The following VANGL1 variants were observed in gnomAD, a reference collection of about 807,000 sequenced individuals.
VANGL1 encodes vang-like protein 1.
A neutral mutation model predicts 48.4 loss-of-function variants in VANGL1; 18 were observed. The ratio of observed to expected loss-of-function variants is 0.37; its 90% CI spans 0.26 to 0.55. The LOEUF (loss-of-function observed/expected upper bound fraction) is 0.55. Among genes scored for constraint, VANGL1 ranks in the 20% least tolerant of loss-of-function variants. The probability of loss-of-function intolerance (pLI) is 0.81; values close to 1 mark genes in which losing one functional copy is unlikely to be tolerated. For missense variants in VANGL1, 667 were observed against 675.8 expected, an observed-to-expected ratio of 0.99 and a Z score of 0.14; for synonymous variants, 257 against 261.8, an observed-to-expected ratio of 0.98 and a Z score of 0.18.
intron 2 of VANGL1, among the ~76,000 whole-genome samples, chr1:115,651,818 G>GC (rs1652157842): frequency 6.6e-6 from 1 of 151,520 alleles, no homozygotes; most frequent in Non-Finnish European, 1.5e-5. Flanking sequence ...ATGCAGTGGT[G>GC]CCATCTCGGC....
intron 4 of VANGL1, among the ~76,000 whole-genome samples, chr1:115,676,414 G>A (rs114352214): frequency 0.011 from 1,685 of 152,318 alleles, 26 homozygotes; most frequent in African/African-American, 0.038. Flanking sequence ...TACCCTCATG[G>A]TGGGCCTCTG....
At chr1:115,686,764 A>AATAG in intron 7 of VANGL1, among the ~76,000 whole-genome samples, 1 of 152,026 alleles carries the variant, frequency 6.6e-6, no homozygotes, top group Non-Finnish European at 1.5e-5. Context: ...TTTACCAATA[A>AATAG]TAATAATAGC....
intron 3 of VANGL1, among the ~76,000 whole-genome samples, chr1:115,662,113 A>G (rs928134276): frequency 1.3e-5 from 2 of 152,102 alleles, no homozygotes; most frequent in African/African-American, 4.8e-5. Flanking sequence ...AATTTCTCTC[A>G]CTGTAGGTGA....
Position 115,692,026 on chromosome 1 carries a change from C to T in VANGL1, c.*647C>T, listed in dbSNP as rs1021898424. 6.5e-6 allele frequency: 1 copy of T among 153,048 alleles called. No homozygotes were observed. The highest frequency in any genetic ancestry group is 2.4e-5 in the African/African-American group (1 of 41,454). The allele number at this position is 153,048 out of a possible 1,614,324, so 9.5% of individuals were successfully genotyped here. The stretch of plus-strand genomic sequence containing the variant: ...CTGCCCTGTTTCTGATCCCACCCCT[C>T]TGCTGGCTTGAAGCAGGTAACCCTT... On this transcript the variant is annotated 3_prime_UTR_variant, in exon 8 of 8. Transcript: ENST00000355485.
At chr1:115,671,531 G>T (rs987058449) in intron 4 of VANGL1, among the ~76,000 whole-genome samples, 1 of 152,188 alleles carries the variant, frequency 6.6e-6, no homozygotes, top group African/African-American at 2.4e-5. Context: ...TGGAGTGGAG[G>T]TGTTTCGAGT....
Position 115,664,225 on chromosome 1 carries a change from T to A in VANGL1, c.769T>A (p.Ser257Thr), listed in dbSNP as rs1652689845. The part of the protein sequence containing the change: ...QPMFTLQVVR[S>T]TDGESRFYSL... Reference sequence around the variant, plus strand: ...CATGTTCACGCTGCAGGTGGTCCGCTCCACCGATGGCGAGTCCCGCTTCTA... The same window carrying A: ...CATGTTCACGCTGCAGGTGGTCCGCACCACCGATGGCGAGTCCCGCTTCTA... Residue 257 changes from serine (S) to threonine (T), a missense_variant, in exon 4 of 8, where the codon TCC becomes ACC. Transcript: ENST00000355485. 1 of 1,613,828 alleles carries A rather than the reference T, an allele frequency of 6.2e-7. No individual in the cohort carries two copies. Among genetic ancestry groups the A allele is most frequent in the African/African-American group, 1.3e-5 (1 of 74,900 alleles).
rs1654003896 is a variant in VANGL1, at chr1:115,695,578, G to A, written c.*4199G>A. On this transcript the variant is annotated 3_prime_UTR_variant, in exon 8 of 8. Transcript: ENST00000355485. The stretch of plus-strand genomic sequence containing the variant: ...ACCAAGTGTATGCTCAGAAAATTCA[G>A]TTTTGGATCACATTTTGACAAAACA... The A allele has an allele frequency of 6.6e-6, 1 of 152,556 alleles. No individual in the cohort carries two copies. The highest frequency in any genetic ancestry group is 1.5e-5 in the Non-Finnish European group (1 of 68,034). 9.5% of individuals were successfully genotyped at this position (152,556 alleles called of 1,614,324 possible).
In VANGL1 at chr1:115,685,880, G is replaced by A. The variant is rs1653595549; in HGVS notation, c.1314+353G>A. ...CCACCAACTAGATGCATAACCTTGG[G>A]CAGATGGCAATAGCTCTGTGCCTCA... is the stretch of plus-strand genomic sequence containing the variant. On this transcript the variant is annotated intron_variant, in intron 7 of 7. Transcript: ENST00000355485. Among the ~76,000 whole-genome samples the A allele has an allele frequency of 3.3e-5, 5 of 152,090 alleles. No homozygotes were observed. In the South Asian group the frequency reaches 1.0e-3, roughly 32 times the overall value.
chr1:115,684,091 T>A lies in VANGL1; in HGVS notation c.1079+15T>A, dbSNP rs1427166404. On this transcript the variant is annotated intron_variant, in intron 6 of 7. Transcript: ENST00000355485. ...CGGAAAGCAAGGTATACTGCCCTCC[T>A]GATGCCAGTACCCTCTTACAGACTT... 4 of 1,612,420 alleles carry A rather than the reference T, an allele frequency of 2.5e-6. No homozygotes were observed. The highest frequency in any genetic ancestry group is 2.5e-6 in the Non-Finnish European group (3 of 1,179,010).
In VANGL1 at chr1:115,694,054, A is replaced by G. The variant is rs1653946609; in HGVS notation, c.*2675A>G. ...CCTGGTGATGTTTTAACTGGTAGAT[A>G]ATTTGTTCTTAAATATGTACTTTTG... On this transcript the variant is annotated 3_prime_UTR_variant, in exon 8 of 8. Transcript: ENST00000355485. 6.6e-6 allele frequency: 1 copy of G among 152,220 alleles called. No individual in the cohort carries two copies. The highest frequency in any genetic ancestry group is 2.1e-4 in the South Asian group (1 of 4,830). 9.4% of individuals were successfully genotyped at this position (152,220 alleles called of 1,614,324 possible). A position where few individuals can be genotyped will look rare whatever the true frequency, so the allele number is the denominator to read the frequency against.
Position 115,682,793 on chromosome 1 carries a change from G to A in VANGL1, c.946+296G>A, listed in dbSNP as rs79336194. 4.4e-3 allele frequency among the ~76,000 whole-genome samples: 674 copies of A among 152,252 alleles called. 4 individuals are homozygous for A. Among genetic ancestry groups the A allele is most frequent in the Non-Finnish European group, 7.8e-3 (529 of 68,018 alleles). On this transcript the variant is annotated intron_variant, in intron 5 of 7. Coordinates refer to ENST00000355485, the MANE Select transcript of VANGL1 (RefSeq NM_138959.3). ...TTATATTGGAAGCTGTTAGGAAAGGGTTGCTTTTCAAAATTGGTGCACATT... is the reference window on the plus strand; with the variant it reads ...TTATATTGGAAGCTGTTAGGAAAGGATTGCTTTTCAAAATTGGTGCACATT...
intron 4 of VANGL1, among the ~76,000 whole-genome samples, chr1:115,682,031 T>G (rs982496058): frequency 6.6e-6 from 1 of 152,278 alleles, no homozygotes; most frequent in Non-Finnish European, 1.5e-5. Context: ...TTTCTTCTTT[T>G]GTAAACCGAG....
chr1:115,659,539 G>GTGTT, intron 2 of VANGL1, 102 bp from the exon 3 acceptor site: 1 of 1,266,740 alleles, frequency 7.9e-7, no homozygotes, highest in Non-Finnish European at 1.1e-6. Flanking sequence ...GTGTGTGTGT[G>GTGTT]TATGTAGAAT....
chr1:115,672,712 T>C (rs892375376), intron 4 of VANGL1, among the ~76,000 whole-genome samples: 3 of 152,318 alleles, frequency 2.0e-5, no homozygotes, highest in African/African-American at 7.2e-5. Flanking sequence ...TTGTGTAAGC[T>C]AACTTCCCAA....
chr1:115,677,452 T>G (rs78714597), intron 4 of VANGL1, among the ~76,000 whole-genome samples: 2,526 of 152,322 alleles, frequency 0.017, 61 homozygotes, highest in African/African-American at 0.053. Flanking sequence ...AGCCATCAGA[T>G]TCCCTTAGAC....
At chr1:115,682,314 T>G (rs1375452694) in intron 4 of VANGL1, 50 bp from the exon 5 acceptor site, 2 of 1,610,286 alleles carry the variant, frequency 1.2e-6, no homozygotes, top group South Asian at 2.2e-5. Flanking sequence ...GTTTAGGACC[T>G]GCTTCTTCAG....
In VANGL1 at chr1:115,694,905, CTG is replaced by C. The variant is rs1307604916; in HGVS notation, c.*3530_*3531del. On this transcript the variant is annotated 3_prime_UTR_variant, in exon 8 of 8. Coordinates refer to ENST00000355485, the MANE Select transcript of VANGL1 (RefSeq NM_138959.3). ...TATATAGCTGAGTGTGTGAGGGTGTCTGTGTTTCTGCAGTCCCCTGTGTTTGA... is the reference window on the plus strand; with the variant it reads ...TATATAGCTGAGTGTGTGAGGGTGTCTGTTTCTGCAGTCCCCTGTGTTTGA... 6.6e-6 allele frequency: 1 copy of C among 152,150 alleles called. No individual in the cohort carries two copies. Among genetic ancestry groups the C allele is most frequent in the Non-Finnish European group, 1.5e-5 (1 of 68,050 alleles). 9.4% of individuals were successfully genotyped at this position (152,150 alleles called of 1,614,324 possible).
rs527971088 is a variant in VANGL1, at chr1:115,645,407, G to A, written c.-138+3321G>A. Among the ~76,000 whole-genome samples, 4 of 152,238 alleles carry A rather than the reference G, an allele frequency of 2.6e-5. No individual in the cohort carries two copies. The South Asian group carries it at 6.2e-4, about 24-fold the overall frequency. ...GTTGACAGCTGTGAGTGCCTACCAC[G>A]TGCTAGGCACTGTTCTAATAATTTT... On this transcript the variant is annotated intron_variant, in intron 1 of 7. Transcript: ENST00000355485.
chr1:115,675,094 T>A (rs988922322), intron 4 of VANGL1, among the ~76,000 whole-genome samples: 1 of 152,168 alleles, frequency 6.6e-6, no homozygotes, highest in African/African-American at 2.4e-5. Context: ...GGGACTTGGG[T>A]TCAGAACAAG....
Sources: gnomAD v4.1 joint callset for allele counts (sites outside exome capture counted in the v4.1 genomes callset) on GRCh38, gnomAD v4.1.1 for gene constraint, MANE v1.5 for transcripts, NCBI Gene and HGNC (gene_info 2026-07-23, HGNC 2026-07-21) for gene names.